The following RARB variants were observed in gnomAD, a reference collection of about 807,000 sequenced individuals.
RARB encodes the protein retinoic acid receptor beta, also known as HBV-activated protein.
RARB carries 17 observed loss-of-function variants against 51.9 expected under a neutral mutation model. That is an observed-to-expected ratio of 0.33 (90% CI 0.22 to 0.49). The LOEUF (loss-of-function observed/expected upper bound fraction) is 0.49, where lower values mean the gene tolerates loss of function less well. Ranked by LOEUF, RARB falls within the 20% of genes least tolerant of loss-of-function variation. RARB has a pLI of 0.99. For synonymous variants in RARB, 215 were observed against 195.4 expected (o/e 1.10, Z -0.84); for missense variants, 369 against 550.8 (o/e 0.67, Z 3.30).
At chr3:25,212,401 C>T (rs1319897838) in intron 5 of RARB, among the ~76,000 whole-genome samples, 2 of 152,172 alleles carry the variant, frequency 1.3e-5, no homozygotes, top group Non-Finnish European at 2.9e-5. Context: ...GGGCAGATCA[C>T]AAGGTCAGGA....
At chr3:24,959,501 T>C (rs1438217485) in intron 2 of RARB, among the ~76,000 whole-genome samples, 2 of 152,138 alleles carry the variant, frequency 1.3e-5, no homozygotes, top group African/African-American at 4.8e-5. Context: ...TTTTTATCGA[T>C]ATAGCATGGA....
intron 3 of RARB, among the ~76,000 whole-genome samples, chr3:25,122,819 C>A (rs532694261): frequency 6.6e-6 from 1 of 152,142 alleles, no homozygotes; most frequent in African/African-American, 2.4e-5. Flanking sequence ...ACAGAATATT[C>A]TCACATTTCC....
intron 5 of RARB, among the ~76,000 whole-genome samples, chr3:25,271,007 A>C (rs1703244956): frequency 6.6e-6 from 1 of 152,064 alleles, no homozygotes; most frequent in Non-Finnish European, 1.5e-5. Context: ...ATCTTCTTTT[A>C]TTCCATAAGT....
chr3:25,317,049 T>A (rs543489231), intron 5 of RARB, among the ~76,000 whole-genome samples: 1 of 70,214 alleles, frequency 1.4e-5, no homozygotes, highest in Non-Finnish European at 3.3e-5. Flanking sequence ...GGAAATCTTA[T>A]AACTAACTGT....
intron 5 of RARB, among the ~76,000 whole-genome samples, chr3:25,264,000 A>G (rs1231654804): frequency 6.6e-6 from 1 of 152,160 alleles, no homozygotes; most frequent in Non-Finnish European, 1.5e-5. Flanking sequence ...GTTGTTTTGC[A>G]CAATGGCAAC....
chr3:24,966,652 T>G (rs933040642), intron 2 of RARB, among the ~76,000 whole-genome samples: 1 of 143,944 alleles, frequency 6.9e-6, no homozygotes, highest in African/African-American at 2.6e-5. Flanking sequence ...CTCTGAAGTC[T>G]CTAACAAGAA....
intron 4 of RARB, among the ~76,000 whole-genome samples, chr3:25,579,812 G>T (rs1019229697): frequency 3.3e-5 from 5 of 152,196 alleles, no homozygotes; most frequent in Non-Finnish European, 2.9e-5. Context: ...TAGAGTCTCA[G>T]TCAGATTCAA....
intron 5 of RARB, among the ~76,000 whole-genome samples, chr3:25,187,968 GA>G (rs749256009): frequency 2.0e-5 from 3 of 152,036 alleles, no homozygotes; most frequent in Non-Finnish European, 2.9e-5. Flanking sequence ...ACTGATTAGA[GA>G]ATGAAAATAA....
At position 25,104,520 on chromosome 3, in the gene RARB, T is replaced by C. The variant is rs1699461997; in HGVS notation, c.-327-27641T>C. 3.3e-5 allele frequency among the ~76,000 whole-genome samples: 5 copies of C among 152,250 alleles called. No homozygotes were observed. In the South Asian group the frequency reaches 1.0e-3, roughly 32 times the overall value. The stretch of plus-strand genomic sequence containing the variant: ...TTAGCTTGGCATAGCAGTGCATATC[T>C]ATAGTTCCAGCTACTCGGGAGGCTA... On this transcript the variant is annotated intron_variant, in intron 3 of 11. Coordinates refer to the RARB transcript ENST00000383772.
intron 2 of RARB, among the ~76,000 whole-genome samples, chr3:24,887,922 A>G (rs1253301595): frequency 6.6e-6 from 1 of 152,124 alleles, no homozygotes; most frequent in Non-Finnish European, 1.5e-5. Flanking sequence ...TTGAGGCAGC[A>G]TAACTCCAGT....
At chr3:25,541,290 C>A (rs1699370650) in intron 3 of RARB, among the ~76,000 whole-genome samples, 1 of 152,214 alleles carries the variant, frequency 6.6e-6, no homozygotes, top group Non-Finnish European at 1.5e-5. Flanking sequence ...CTCTCTCCAC[C>A]AATTCTTGAA....
intron 3 of RARB, among the ~76,000 whole-genome samples, chr3:25,562,327 G>A (rs1248897185): frequency 6.6e-6 from 1 of 152,054 alleles, no homozygotes; most frequent in African/African-American, 2.4e-5. Flanking sequence ...AAAAAGCAGA[G>A]GGCCAGCCAC....
At chr3:24,996,720 T>C (rs1306437042) in intron 2 of RARB, among the ~76,000 whole-genome samples, 2 of 151,834 alleles carry the variant, frequency 1.3e-5, no homozygotes, top group African/African-American at 2.4e-5. Flanking sequence ...CTTTGGTTGC[T>C]CAGAAGCATA....
Position 25,500,149 on chromosome 3 carries a change from C to T in RARB, c.307-1033C>T, listed in dbSNP as rs528375330. On this transcript the variant is annotated intron_variant, in intron 2 of 7. Transcript: ENST00000330688. Reference sequence around the variant, plus strand: ...TATGGTAGCTATGGGCCAGATGTGGCTCTTCAGCATTTGAAATGTAGCTAA... The same window carrying T: ...TATGGTAGCTATGGGCCAGATGTGGTTCTTCAGCATTTGAAATGTAGCTAA... Among the ~76,000 whole-genome samples the T allele has an allele frequency of 3.3e-5, 5 of 152,284 alleles. No individual in the cohort carries two copies. In the South Asian group the frequency reaches 8.3e-4, roughly 25 times the overall value.
chr3:25,393,177 G>A (rs1707020156), intron 5 of RARB, among the ~76,000 whole-genome samples: 3 of 152,046 alleles, frequency 2.0e-5, no homozygotes, highest in South Asian at 4.1e-4. Context: ...TTCTGCTTAT[G>A]TGTTGTATCA....
intron 1 of RARB, among the ~76,000 whole-genome samples, chr3:24,851,116 C>A (rs1211741290): frequency 6.6e-6 from 1 of 152,018 alleles, no homozygotes; most frequent in African/African-American, 2.4e-5. Context: ...ATATTGGAGA[C>A]AGGAGAGGGC....
At chr3:24,985,476 A>G (rs1046670537) in intron 2 of RARB, among the ~76,000 whole-genome samples, 9 of 151,888 alleles carry the variant, frequency 5.9e-5, no homozygotes, top group African/African-American at 1.7e-4. Context: ...TTGCTACAGT[A>G]TTTAGTTAAT....
chr3:24,978,063 G>C (rs1696557795), intron 2 of RARB, among the ~76,000 whole-genome samples: 1 of 152,138 alleles, frequency 6.6e-6, no homozygotes, highest in Non-Finnish European at 1.5e-5. Context: ...TTATTGATTT[G>C]CGTATGTTGA....
In RARB at chr3:24,941,748, T is replaced by C. The variant is rs374001792; in HGVS notation, c.-380+82996T>C. 2.6e-4 allele frequency among the ~76,000 whole-genome samples: 40 copies of C among 152,350 alleles called. No individual in the cohort carries two copies. The East Asian group carries it at 3.1e-3, about 12-fold the overall frequency. On this transcript the variant is annotated intron_variant, in intron 2 of 11. Coordinates refer to the RARB transcript ENST00000383772. The stretch of plus-strand genomic sequence containing the variant: ...ATCTTTGCCTCATTTTTCTGTGGAC[T>C]GTAGAACACTTCATTCACTAACATT...
Sources: gnomAD v4.1 joint callset for allele counts (sites outside exome capture counted in the v4.1 genomes callset) on GRCh38, gnomAD v4.1.1 for gene constraint, MANE v1.5 for transcripts, NCBI Gene and HGNC (gene_info 2026-07-23, HGNC 2026-07-21) for gene names.